IL10RB: variants seen among roughly 807,000 people sequenced by gnomAD.
The protein encoded by IL10RB is interleukin-10 receptor subunit beta.
Under a neutral mutation model 38.7 loss-of-function variants are expected in IL10RB, and 30 were observed. The ratio of observed to expected loss-of-function variants is 0.78; its 90% CI spans 0.58 to 1.05. The LOEUF is 1.05. IL10RB is among the 50% of genes least tolerant of loss of function. The pLI is 0.00. For missense variants in IL10RB, 328 were observed against 397.1 expected (o/e 0.83, Z 1.48); for synonymous variants, 142 against 145.9 (o/e 0.97, Z 0.19).
At chr21:33,291,334 C>T (rs879623285) in intron 6 of IL10RB, among the ~76,000 whole-genome samples, 5 of 151,746 alleles carry the variant, frequency 3.3e-5, no homozygotes, top group Admixed American at 2.0e-4. Flanking sequence ...GGCATGATTT[C>T]GGCTCAGTGC....
chr21:33,273,394 T>TA (rs8178466), intron 2 of IL10RB, among the ~76,000 whole-genome samples: 1,854 of 152,274 alleles, frequency 0.012, 23 homozygotes, highest in Non-Finnish European at 0.018. Context: ...GCGTTATGTC[T>TA]AAAAAAATGT....
downstream of IL10RB, among the ~76,000 whole-genome samples, chr21:33,297,901 C>T (rs1024268663): frequency 6.6e-6 from 1 of 151,962 alleles, no homozygotes; most frequent in African/African-American, 2.4e-5. Flanking sequence ...GAAACAGAAC[C>T]AATAGAATGA....
chr21:33,267,936 T>A (rs950414669), intron 1 of IL10RB: 4 of 259,184 alleles, frequency 1.5e-5, no homozygotes, highest in African/African-American at 8.9e-5. Flanking sequence ...TACTTCAGCC[T>A]CTCTCCAGCA....
chr21:33,307,702 G>C (rs1427468699), intron 1 of IL10RB, among the ~76,000 whole-genome samples: 1 of 152,130 alleles, frequency 6.6e-6, no homozygotes, highest in Non-Finnish European at 1.5e-5. Context: ...CCCTCTCCTT[G>C]TGTCATTGCG....
rs1350042830 is a variant in IL10RB at position 33,268,292 on chromosome 21, G to A, written c.50-102G>A. Reference sequence around the variant, plus strand: ...CTCCCTCACCCACGTGGCCTTTGAAGACATGGAGCCATAGAGGAGAACCAA... The same window carrying A: ...CTCCCTCACCCACGTGGCCTTTGAAAACATGGAGCCATAGAGGAGAACCAA... On this transcript the variant is annotated intron_variant, in intron 1 of 6. Coordinates refer to ENST00000290200, the MANE Select transcript of IL10RB (RefSeq NM_000628.5). The A allele has an allele frequency of 1.9e-6, 3 of 1,586,254 alleles. No individual in the cohort carries two copies. The South Asian group carries it at 3.4e-5, about 18-fold the overall frequency.
chr21:33,293,743 G>T (rs945281517), intron 6 of IL10RB, among the ~76,000 whole-genome samples: 10 of 151,826 alleles, frequency 6.6e-5, no homozygotes, highest in Non-Finnish European at 5.9e-5. Flanking sequence ...GGAGGCTGAG[G>T]TTGCAGTGAG....
chr21:33,279,706 T>C (rs941604342), intron 3 of IL10RB, 46 bp from the exon 4 acceptor site: 2 of 1,570,312 alleles, frequency 1.3e-6, no homozygotes, highest in African/African-American at 1.4e-5. Context: ...GTTGAAGTTT[T>C]TAAAATGTGA....
chr21:33,289,901 T>C (rs1353380995), intron 6 of IL10RB, among the ~76,000 whole-genome samples: 1 of 152,080 alleles, frequency 6.6e-6, no homozygotes, highest in African/African-American at 2.4e-5. Flanking sequence ...TCACCTAAGG[T>C]CAGGAGATCG....
chr21:33,309,975 T>G (rs1467850), exon 2 of IL10RB: 152,256 of 152,262 alleles, frequency 1, 76,125 homozygotes, highest in Non-Finnish European at 1. Flanking sequence ...AGGTCATAAG[T>G]GTGGGGCCCT....
chr21:33,300,106 A>G (rs980700399), downstream of IL10RB, among the ~76,000 whole-genome samples: 1 of 152,192 alleles, frequency 6.6e-6, no homozygotes, highest in Non-Finnish European at 1.5e-5. Flanking sequence ...GATAATCCTA[A>G]GTAGCTGGTA....
At chr21:33,281,954 C>T (rs1368007715) in intron 4 of IL10RB, among the ~76,000 whole-genome samples, 1 of 152,106 alleles carries the variant, frequency 6.6e-6, no homozygotes, top group African/African-American at 2.4e-5. Context: ...GAAGGTCCCT[C>T]TACTACTATG....
intron 2 of IL10RB, among the ~76,000 whole-genome samples, chr21:33,270,640 C>T (rs996489710): frequency 7.9e-5 from 12 of 151,160 alleles, no homozygotes; most frequent in African/African-American, 2.9e-4. Context: ...TCCCAAAGTG[C>T]TGGGATTACA....
chr21:33,302,083 A>G (rs78900274), downstream of IL10RB, among the ~76,000 whole-genome samples: 2,287 of 152,344 alleles, frequency 0.015, 32 homozygotes, highest in Non-Finnish European at 0.021. Flanking sequence ...CTTGGACAGC[A>G]CACTTGCATG....
In IL10RB at chr21:33,270,891, T is replaced by A. The variant is rs561060562; in HGVS notation, c.173+2374T>A. Among the ~76,000 whole-genome samples the A allele has an allele frequency of 1.7e-3, 265 of 151,558 alleles. 8 individuals carry two copies. The highest frequency in any genetic ancestry group is 0.015 in the South Asian group (73 of 4,804). The stretch of plus-strand genomic sequence containing the variant: ...GGTTTCACCATGTTGGCCGAGCTGG[T>A]CTTGAACTCCTGGCCTCAAGTGATC... On this transcript the variant is annotated intron_variant, in intron 2 of 6. Transcript: ENST00000290200.
intron 4 of IL10RB, 50 bp downstream of exon 4, chr21:33,279,968 G>T: frequency 6.5e-7 from 1 of 1,541,324 alleles, no homozygotes; most frequent in South Asian, 1.1e-5. Flanking sequence ...CATATTCTTT[G>T]CAGAATCTTG....
intron 1 of IL10RB, 149 bp downstream of exon 1, chr21:33,266,663 A>C (rs1988954386): frequency 2.6e-6 from 2 of 758,928 alleles, no homozygotes; most frequent in Non-Finnish European, 4.3e-6. Flanking sequence ...CCGGCTGCTG[A>C]GACGCAACTA....
Position 33,270,529 on chromosome 21 carries a change from C to T in IL10RB, c.173+2012C>T, listed in dbSNP as rs1238230622. ...CCGAGTAGCTGGGACTACAGGCGCC[C>T]GCCACCACGCCCGGCTAATTTTTTT... On this transcript the variant is annotated intron_variant, in intron 2 of 6. Coordinates refer to ENST00000290200, the MANE Select transcript of IL10RB (RefSeq NM_000628.5). Among the ~76,000 whole-genome samples the T allele has an allele frequency of 1.0e-4, 15 of 149,928 alleles. 1 individual carries two copies. Among genetic ancestry groups the T allele is most frequent in the Non-Finnish European group, 1.5e-4 (10 of 67,410 alleles).
intron 6 of IL10RB, among the ~76,000 whole-genome samples, chr21:33,289,301 C>G (rs1311330163): frequency 2.0e-5 from 3 of 152,216 alleles, no homozygotes; most frequent in African/African-American, 7.2e-5. Context: ...CTACTGGAAG[C>G]AGCTCCTCCA....
chr21:33,268,172 G>T lies in IL10RB; in HGVS notation c.50-222G>T, dbSNP rs1221577838. 121 of 1,416,840 alleles carry T rather than the reference G, an allele frequency of 8.5e-5. 1 individual carries two copies. The highest frequency in any genetic ancestry group is 3.2e-5 in the Non-Finnish European group (35 of 1,080,998). 87.8% of individuals were successfully genotyped at this position (1,416,840 alleles called of 1,614,324 possible). On this transcript the variant is annotated intron_variant, in intron 1 of 6. Coordinates refer to ENST00000290200, the MANE Select transcript of IL10RB (RefSeq NM_000628.5). The stretch of plus-strand genomic sequence containing the variant: ...CACCAGACAAATCCAAGGCTCCTTT[G>T]TCTGTCCCCATTTTACTCCTGCCCC...
Sources: allele counts gnomAD v4.1 joint callset (sites outside exome capture counted in the v4.1 genomes callset), GRCh38; gene constraint gnomAD v4.1.1; transcripts MANE v1.5; gene names NCBI Gene and HGNC (gene_info 2026-07-23, HGNC 2026-07-21).